The following VSIG4 variants were observed in gnomAD, a reference collection of about 807,000 sequenced individuals.
VSIG4 encodes V-set and immunoglobulin domain containing 4, also known as V-set and immunoglobulin domain-containing protein 4.
VSIG4 carries 34 observed loss-of-function variants against 23.4 expected under a neutral mutation model. The observed-to-expected ratio is 1.45, with a 90% CI of 1.10 to 1.93. The LOEUF is 1.93. Among genes scored for constraint, VSIG4 ranks in the 30% most tolerant of loss-of-function variants. VSIG4 has a pLI of 0.00. For synonymous variants in VSIG4, 169 were observed against 120.3 expected (o/e 1.41, Z -2.65); for missense variants, 433 against 310.8 (o/e 1.39, Z -2.96).
chrX:66,023,564 T>G (rs889113245), intron 6 of VSIG4, among the ~76,000 whole-genome samples: 16 of 112,775 alleles, frequency 1.4e-4, no homozygotes, highest in Non-Finnish European at 3.8e-5. Flanking sequence ...TTCTGTGTCT[T>G]ACTCGCCCAT....
chrX:66,029,395 A>G (rs2085438743), intron 3 of VSIG4, among the ~76,000 whole-genome samples: 1 of 111,410 alleles, frequency 9.0e-6, no homozygotes. Context: ...ATTAACAAAT[A>G]CAGTATTCAT....
chrX:66,032,430 G>C (rs1435112946), intron 3 of VSIG4, 38 bp downstream of exon 3: 2 of 1,183,438 alleles, frequency 1.7e-6, no homozygotes, highest in East Asian at 6.0e-5. Context: ...TTTCAAGCTT[G>C]TGTGTTAAGA....
chrX:66,025,182 C>A, intron 5 of VSIG4, 53 bp from the exon 6 acceptor site: 2 of 920,897 alleles, frequency 2.2e-6, no homozygotes, highest in Admixed American at 3.2e-5. Flanking sequence ...AGGCCAGAAA[C>A]AAAAACTCTA....
At chrX:66,028,659 T>G (rs1388036709) in intron 3 of VSIG4, among the ~76,000 whole-genome samples, 1 of 106,527 alleles carries the variant, frequency 9.4e-6, no homozygotes, top group African/African-American at 3.5e-5. Context: ...CCAGTTTTGG[T>G]AAGAACAGCA....
At chrX:66,027,378 C>A in intron 5 of VSIG4, 71 bp downstream of exon 5, 1 of 907,122 alleles carries the variant, frequency 1.1e-6, no homozygotes. Context: ...GAACAGTGTG[C>A]ATAAGGGAAA....
chrX:66,028,130 C>T lies in VSIG4; in HGVS notation c.695-18G>A, dbSNP rs777663595. ...TGAGGAGTCTGCAAGGAAAAGGGAA[C>T]CGATTGAAGGGACCTGGTACCCTTT... On this transcript the variant is annotated intron_variant, in intron 3 of 7. Coordinates refer to ENST00000374737, the MANE Select transcript of VSIG4 (RefSeq NM_007268.3). 1.8e-5 allele frequency: 22 copies of T among 1,194,878 alleles called. No homozygotes were observed. Among genetic ancestry groups the T allele is most frequent in the Admixed American group, 4.4e-5 (2 of 45,953 alleles).
At chrX:66,025,757 A>G (rs900163905) in intron 5 of VSIG4, among the ~76,000 whole-genome samples, 1 of 112,356 alleles carries the variant, frequency 8.9e-6, no homozygotes, top group Non-Finnish European at 1.9e-5. Context: ...TAGTTTACAT[A>G]GTAAAAAGGA....
chrX:66,032,803 CAAAAGGCTGA>C, intron 2 of VSIG4, 54 bp from the exon 3 acceptor site: 1 of 1,141,606 alleles, frequency 8.8e-7, no homozygotes, highest in Non-Finnish European at 1.2e-6. Context: ...GATATGGGAC[CAAAAGGCTGA>C]ATCATTCTTG....
chrX:66,024,991 G>T (rs886776589), intron 6 of VSIG4, 34 bp downstream of exon 6: 4 of 1,048,117 alleles, frequency 3.8e-6, no homozygotes, highest in Admixed American at 5.4e-5. Context: ...AAGAACAAAT[G>T]AGCCAAAGCC....
chrX:66,036,933 ATATATTATATGATATAT>A (rs2085574615), intron 1 of VSIG4, among the ~76,000 whole-genome samples: 33 of 30,885 alleles, frequency 1.1e-3, no homozygotes, highest in African/African-American at 1.9e-3. Context: ...ATATTATATG[ATATATTATATGATATAT>A]TATATTATAT....
chrX:66,035,116 T>C (rs973257184), intron 1 of VSIG4, among the ~76,000 whole-genome samples: 5 of 111,007 alleles, frequency 4.5e-5, no homozygotes, highest in Middle Eastern at 4.7e-3. Context: ...AAATCAAGCC[T>C]CTAGCCTGTG....
chrX:66,033,405 C>T, intron 2 of VSIG4, 69 bp downstream of exon 2: 1 of 1,029,327 alleles, frequency 9.7e-7, no homozygotes, highest in East Asian at 3.0e-5. Context: ...ATTTTTCAGG[C>T]TTTTCTAGAA....
intron 2 of VSIG4, 103 bp from the exon 3 acceptor site, chrX:66,032,852 A>C: frequency 1.2e-6 from 1 of 858,425 alleles, no homozygotes; most frequent in Non-Finnish European, 1.6e-6. Context: ...ATATATCTGC[A>C]ACTGGAACTA....
chrX:66,023,627 C>T (rs1047182625), intron 6 of VSIG4, among the ~76,000 whole-genome samples: 5 of 112,418 alleles, frequency 4.4e-5, no homozygotes, highest in African/African-American at 1.6e-4. Context: ...TCTTAATATG[C>T]TCAGCACCTG....
At chrX:66,031,774 G>A (rs963853034) in intron 3 of VSIG4, among the ~76,000 whole-genome samples, 11 of 111,284 alleles carry the variant, frequency 9.9e-5, no homozygotes, top group South Asian at 3.7e-4. Context: ...AGTGCTCCCA[G>A]GACAGTGCTG....
At chrX:66,031,157 T>C (rs1385704309) in intron 3 of VSIG4, among the ~76,000 whole-genome samples, 1 of 111,569 alleles carries the variant, frequency 9.0e-6, no homozygotes, top group Admixed American at 9.5e-5. Context: ...GTAATAAGCA[T>C]TGACTGTGAG....
Position 66,028,038 on chromosome X carries a change from A to C in VSIG4, c.757+12T>G, listed in dbSNP as rs893585774. On this transcript the variant is annotated intron_variant, in intron 4 of 7. Transcript: ENST00000374737. The stretch of plus-strand genomic sequence containing the variant: ...AACCTCTACTACTTCCTCAGACTCT[A>C]GCAAAACTCACCTTTCAAGGGGTAT... The C allele has an allele frequency of 1.7e-6, 2 of 1,206,328 alleles. No individual in the cohort carries two copies. Among genetic ancestry groups the C allele is most frequent in the Non-Finnish European group, 2.2e-6 (2 of 892,254 alleles).
Position 66,027,508 on chromosome X carries a change from T to A in VSIG4, c.776A>T (p.Gln259Leu). 1 of 1,199,519 alleles carries A rather than the reference T, an allele frequency of 8.3e-7. No homozygotes were observed. Among genetic ancestry groups the A allele is most frequent in the Admixed American group, 2.2e-5 (1 of 45,122 alleles). Residue 259 changes from glutamine (Q) to leucine (L), a missense_variant, in exon 5 of 8, where the codon CAG becomes CTG. Physicochemically the swap from Gln to Leu is moderately radical, Grantham distance 113 (BLOSUM62 -2). Coordinates refer to ENST00000374737, the MANE Select transcript of VSIG4 (RefSeq NM_007268.3). The stretch of plus-strand genomic sequence containing the variant: ...CATGTCAGTGGTCCAGTCCCAGGAC[T>A]GCTTCACTGTAGATGTTGCTATGAA... ...YPLKATSTVKQSWDWTTDMDG... is the reference protein window; with the variant it reads ...YPLKATSTVKLSWDWTTDMDG...
intron 6 of VSIG4, among the ~76,000 whole-genome samples, chrX:66,023,289 A>T (rs1018279312): frequency 1.8e-5 from 2 of 110,809 alleles, no homozygotes; most frequent in Admixed American, 1.9e-4. Context: ...GACCCAAGAC[A>T]TTCCCAAATG....
Sources: gnomAD v4.1 joint callset for allele counts (sites outside exome capture counted in the v4.1 genomes callset) on GRCh38, gnomAD v4.1.1 for gene constraint, MANE v1.5 for transcripts, NCBI Gene and HGNC (gene_info 2026-07-23, HGNC 2026-07-21) for gene names.